The following MACROD2 variants were observed in gnomAD, a reference collection of about 807,000 sequenced individuals.
The protein encoded by MACROD2 is ADP-ribose glycohydrolase MACROD2.
Under a neutral mutation model 70.4 loss-of-function variants are expected in MACROD2, and 36 were observed. That is an observed-to-expected ratio of 0.51 (90% CI 0.39 to 0.68). The LOEUF is 0.68. MACROD2 is among the 30% of genes least tolerant of loss of function. The pLI is 0.00. For synonymous variants in MACROD2, 172 were observed against 178.8 expected, an observed-to-expected ratio of 0.96 and a Z score of 0.30; for missense variants, 496 against 538.4, an observed-to-expected ratio of 0.92 and a Z score of 0.78.
chr20:14,489,671 T>C (rs1199570252), intron 3 of MACROD2, among the ~76,000 whole-genome samples: 5 of 152,168 alleles, frequency 3.3e-5, no homozygotes, highest in Admixed American at 3.3e-4. Flanking sequence ...TAATTTCCTT[T>C]ATAATGATGA....
chr20:15,051,497 C>G (rs1209410109), intron 5 of MACROD2, among the ~76,000 whole-genome samples: 2 of 151,698 alleles, frequency 1.3e-5, no homozygotes, highest in African/African-American at 4.8e-5. Context: ...TGGCAGTGGC[C>G]GAAGCCGCAG....
At chr20:15,884,166 A>G (rs1234932311) in intron 9 of MACROD2, among the ~76,000 whole-genome samples, 1 of 152,054 alleles carries the variant, frequency 6.6e-6, no homozygotes, top group Non-Finnish European at 1.5e-5. Flanking sequence ...ACCTAAGCCC[A>G]TGTGTATTTA....
intron 5 of MACROD2, among the ~76,000 whole-genome samples, chr20:15,051,121 CTGATT>C (rs67520789): frequency 0.17 from 25,616 of 151,820 alleles, 2,729 homozygotes; most frequent in East Asian, 0.33. Context: ...ACTTTTCTGT[CTGATT>C]TAACTAATGT....
intron 13 of MACROD2, among the ~76,000 whole-genome samples, chr20:15,970,693 C>T (rs1354803879): frequency 1.3e-5 from 2 of 152,124 alleles, no homozygotes; most frequent in Admixed American, 6.5e-5. Context: ...GAGAAGAGAG[C>T]TCCACAAACG....
At chr20:14,211,777 A>G (rs1173794392) in intron 3 of MACROD2, among the ~76,000 whole-genome samples, 1 of 151,986 alleles carries the variant, frequency 6.6e-6, no homozygotes, top group East Asian at 1.9e-4. Context: ...GAAAGGTACC[A>G]CCCCTCACAA....
chr20:15,470,852 C>T (rs1474963743), intron 7 of MACROD2, among the ~76,000 whole-genome samples: 1 of 152,210 alleles, frequency 6.6e-6, no homozygotes, highest in Admixed American at 6.5e-5. Context: ...GAACATAGAA[C>T]TCCTCTCTGC....
chr20:14,096,252 G>GTT (rs1247925842), intron 3 of MACROD2, among the ~76,000 whole-genome samples: 1 of 151,756 alleles, frequency 6.6e-6, no homozygotes, highest in Admixed American at 6.6e-5. Flanking sequence ...AGTACTCTTT[G>GTT]TTGATGCAAA....
chr20:14,649,004 G>T (rs1219422219), intron 4 of MACROD2, among the ~76,000 whole-genome samples: 1 of 152,120 alleles, frequency 6.6e-6, no homozygotes, highest in Non-Finnish European at 1.5e-5. Context: ...TGAAATTCAT[G>T]TTTTCTTGGA....
chr20:15,766,632 C>T (rs1299050416), intron 8 of MACROD2, among the ~76,000 whole-genome samples: 1 of 152,116 alleles, frequency 6.6e-6, no homozygotes, highest in Non-Finnish European at 1.5e-5. Context: ...TCTTCATGGT[C>T]AAACTTTATG....
At chr20:14,523,902 TG>T (rs2085198502) in intron 4 of MACROD2, among the ~76,000 whole-genome samples, 1 of 152,200 alleles carries the variant, frequency 6.6e-6, no homozygotes, top group South Asian at 2.1e-4. Flanking sequence ...CTCCTGCAAT[TG>T]CCCTTAGATC....
At position 14,714,955 on chromosome 20, in the gene MACROD2, T is replaced by A. The variant is rs567932530; in HGVS notation, c.418+29996T>A. On this transcript the variant is annotated intron_variant, in intron 5 of 17. Transcript: ENST00000684519. The stretch of plus-strand genomic sequence containing the variant: ...GCTCTTAGTGGACTCTCAATAAATA[T>A]AATATAGTGGAAACAAAATAATATG... Among the ~76,000 whole-genome samples the A allele has an allele frequency of 5.3e-5, 8 of 152,340 alleles. No homozygotes were observed. The South Asian group carries it at 1.4e-3, about 28-fold the overall frequency.
intron 6 of MACROD2, among the ~76,000 whole-genome samples, chr20:15,379,297 A>C (rs769508183): frequency 1.2e-4 from 18 of 152,184 alleles, no homozygotes; most frequent in Non-Finnish European, 1.9e-4. Context: ...ACTGGGCTTC[A>C]AATGCATATT....
intron 8 of MACROD2, among the ~76,000 whole-genome samples, chr20:15,704,140 G>GTTTA (rs145830062): frequency 0.14 from 21,146 of 151,026 alleles, 1,707 homozygotes; most frequent in South Asian, 0.22. Context: ...ATGTTTGTTT[G>GTTTA]TTTATTTATT....
chr20:14,734,626 T>C (rs1307302594), intron 5 of MACROD2, among the ~76,000 whole-genome samples: 1 of 152,028 alleles, frequency 6.6e-6, no homozygotes, highest in Non-Finnish European at 1.5e-5. Flanking sequence ...AAACAACTTT[T>C]TTTTTCTTAA....
chr20:15,418,705 T>A (rs944535232), intron 6 of MACROD2, among the ~76,000 whole-genome samples: 4 of 152,166 alleles, frequency 2.6e-5, no homozygotes. Flanking sequence ...TAAAAAACCT[T>A]CGGAGGCACT....
At chr20:15,935,613 A>G (rs1207360793) in intron 11 of MACROD2, among the ~76,000 whole-genome samples, 1 of 152,190 alleles carries the variant, frequency 6.6e-6, no homozygotes, top group Non-Finnish European at 1.5e-5. Context: ...ACTGTAATCC[A>G]GCAGTTTTGA....
chr20:16,000,146 T>C lies in MACROD2; in HGVS notation c.1153+12988T>C, dbSNP rs2147502178. ...ATCTAGAACATTTACTACCTGGCCCTTTATAGAAAAATACTGCTGAGCCCC... is the reference window on the plus strand; with the variant it reads ...ATCTAGAACATTTACTACCTGGCCCCTTATAGAAAAATACTGCTGAGCCCC... On this transcript the variant is annotated intron_variant, in intron 15 of 17. Coordinates refer to ENST00000684519, the MANE Select transcript of MACROD2 (RefSeq NM_001351661.2). Among the ~76,000 whole-genome samples, 2 of 152,328 alleles carry C rather than the reference T, an allele frequency of 1.3e-5. 1 individual carries two copies. Among genetic ancestry groups the C allele is most frequent in the South Asian group, 4.1e-4 (2 of 4,824 alleles).
At chr20:14,473,280 G>C (rs2123051510) in intron 3 of MACROD2, among the ~76,000 whole-genome samples, 1 of 152,194 alleles carries the variant, frequency 6.6e-6, no homozygotes, top group South Asian at 2.1e-4. Context: ...TATACTGGCT[G>C]ACCACCCTCT....
intron 8 of MACROD2, among the ~76,000 whole-genome samples, chr20:15,701,299 G>A (rs1160650734): frequency 1.3e-5 from 2 of 152,164 alleles, no homozygotes; most frequent in African/African-American, 4.8e-5. Flanking sequence ...TATGCAATAA[G>A]TCATGTACAA....
Sources: allele counts gnomAD v4.1 joint callset (sites outside exome capture counted in the v4.1 genomes callset), GRCh38; gene constraint gnomAD v4.1.1; transcripts MANE v1.5; gene names NCBI Gene and HGNC (gene_info 2026-07-23, HGNC 2026-07-21).